Variants in KIF27 observed in about 807,000 individuals in gnomAD.
The protein encoded by KIF27 is kinesin-like protein KIF27.
A neutral mutation model predicts 141.8 loss-of-function variants in KIF27; 84 were observed. That is an observed-to-expected ratio of 0.59 (90% confidence interval 0.50 to 0.71). The LOEUF (loss-of-function observed/expected upper bound fraction) is 0.71, where lower values mean the gene tolerates loss of function less well. Ranked by LOEUF, KIF27 falls within the 30% of genes least tolerant of loss-of-function variation. The pLI, the probability that KIF27 is intolerant of heterozygous loss-of-function variation, is 0.00. For missense variants in KIF27, 1,306 were observed against 1,628.4 expected (o/e 0.80, Z 3.41); for synonymous variants, 471 against 569.5 (o/e 0.83, Z 2.46).
At chr9:83,892,483 G>T (rs1472740166) in intron 5 of KIF27, among the ~76,000 whole-genome samples, 2 of 151,650 alleles carry the variant, frequency 1.3e-5, no homozygotes, top group Non-Finnish European at 2.9e-5. Context: ...AACAGAAAAA[G>T]AAAAAATAAC....
At chr9:83,897,384 A>C (rs1781776430) in intron 5 of KIF27, among the ~76,000 whole-genome samples, 1 of 152,188 alleles carries the variant, frequency 6.6e-6, no homozygotes, top group African/African-American at 2.4e-5. Context: ...GTTTCCAATA[A>C]ATGATGCTAG....
At chr9:83,877,056 G>A (rs2132138265) in intron 11 of KIF27, among the ~76,000 whole-genome samples, 1 of 152,254 alleles carries the variant, frequency 6.6e-6, no homozygotes, top group Middle Eastern at 3.4e-3. Context: ...CAGCCTGGGT[G>A]ACAGAGTGAG....
rs1945892884 is a variant in KIF27, at chr9:83,836,758, A to G, written c.*243T>C. 3 of 470,660 alleles carry G rather than the reference A, an allele frequency of 6.4e-6. No individual in the cohort carries two copies. In the South Asian group the frequency reaches 1.3e-4, roughly 20 times the overall value. The allele number at this position is 470,660 out of a possible 1,614,324, so 29.2% of individuals were successfully genotyped here. On this transcript the variant is annotated 3_prime_UTR_variant, in exon 18 of 18. Transcript: ENST00000297814. ...CCTGGAAAAACATTTAAGCGTATTT[A>G]TAAATATTTAAATGTTATCAAGTAT...
intron 2 of KIF27, among the ~76,000 whole-genome samples, chr9:83,911,097 C>A (rs1005652839): frequency 2.0e-5 from 3 of 152,128 alleles, no homozygotes; most frequent in African/African-American, 7.2e-5. Flanking sequence ...GACAGGGTCT[C>A]ACTGTGTCAC....
At chr9:83,857,602 T>C (rs532265737) in intron 14 of KIF27, among the ~76,000 whole-genome samples, 1 of 152,334 alleles carries the variant, frequency 6.6e-6, no homozygotes, top group East Asian at 1.9e-4. Flanking sequence ...CCACATGAAA[T>C]AGAAACCTAA....
At chr9:83,861,199 C>CT (rs1331441070) in intron 13 of KIF27, among the ~76,000 whole-genome samples, 4 of 139,480 alleles carry the variant, frequency 2.9e-5, no homozygotes, top group African/African-American at 8.2e-5. Context: ...ATATATATAA[C>CT]TTTAAGTTCT....
At chr9:83,894,181 A>T (rs929254961) in intron 5 of KIF27, among the ~76,000 whole-genome samples, 1 of 152,262 alleles carries the variant, frequency 6.6e-6, no homozygotes, top group African/African-American at 2.4e-5. Context: ...TTAAGAAAGA[A>T]ATAATACCAA....
At position 83,884,803 on chromosome 9, in the gene KIF27, A is replaced by G. The variant is rs1204288359; in HGVS notation, c.2240-785T>C. Reference sequence around the variant, plus strand: ...AGGTCCACAATACATTTGATTTGTTATGTCTCTTAAGAATCTTTTCATCCA... The same window carrying G: ...AGGTCCACAATACATTTGATTTGTTGTGTCTCTTAAGAATCTTTTCATCCA... On this transcript the variant is annotated intron_variant, in intron 9 of 17. Coordinates refer to ENST00000297814, the MANE Select transcript of KIF27 (RefSeq NM_017576.4). Among the ~76,000 whole-genome samples the G allele has an allele frequency of 3.3e-5, 5 of 152,322 alleles. No homozygotes were observed. The South Asian group carries it at 1.0e-3, about 32-fold the overall frequency.
chr9:83,874,536 A>T (rs745410739), intron 11 of KIF27, among the ~76,000 whole-genome samples: 4 of 152,214 alleles, frequency 2.6e-5, no homozygotes, highest in Non-Finnish European at 5.9e-5. Flanking sequence ...TAGAGGATAC[A>T]TCAATGTATC....
At chr9:83,866,950 C>CA (rs985911505) in intron 13 of KIF27, among the ~76,000 whole-genome samples, 1 of 132,386 alleles carries the variant, frequency 7.6e-6, no homozygotes, top group African/African-American at 2.6e-5. Context: ...TTTTATTCAC[C>CA]CCCCCCCCAA....
At chr9:83,896,601 T>C (rs1351170090) in intron 5 of KIF27, among the ~76,000 whole-genome samples, 1 of 152,184 alleles carries the variant, frequency 6.6e-6, no homozygotes, top group Non-Finnish European at 1.5e-5. Context: ...AACAATACCA[T>C]GCTTATGGAT....
At position 83,907,859 on chromosome 9, in the gene KIF27, C is replaced by T. The variant is rs146964080; in HGVS notation, c.499+593G>A. 4.9e-3 allele frequency among the ~76,000 whole-genome samples: 741 copies of T among 152,296 alleles called. 8 individuals carry two copies. The highest frequency in any genetic ancestry group is 0.017 in the African/African-American group (711 of 41,548). ...AATTTAGCCTATATCACAGTCTCAT[C>T]TGAAGTCAGTCTAGAGGGAAACAAT... On this transcript the variant is annotated intron_variant, in intron 3 of 17. Coordinates refer to ENST00000297814, the MANE Select transcript of KIF27 (RefSeq NM_017576.4).
chr9:83,891,362 T>C lies in KIF27; in HGVS notation c.1742A>G (p.Tyr581Cys). The part of the protein sequence containing the change: ...PDARIPERRP[Y>C]TVPFDTHLGH... ...CAAATGAGTATCAAATGGTACAGTA[T>C]ATGGTCTCCTTTCAGGGATCCTGGC... is the stretch of plus-strand genomic sequence containing the variant. The change falls in exon 6 of 18, where the codon TAT (tyrosine) becomes TGT (cysteine). Residue 581 changes from tyrosine to cysteine, a missense_variant. Tyr to Cys is a radical substitution (Grantham distance 194). Coordinates refer to ENST00000297814, the MANE Select transcript of KIF27 (RefSeq NM_017576.4). The C allele has an allele frequency of 6.2e-7, 1 of 1,613,650 alleles. No homozygotes were observed. The highest frequency in any genetic ancestry group is 8.5e-7 in the Non-Finnish European group (1 of 1,179,634).
intron 16 of KIF27, among the ~76,000 whole-genome samples, chr9:83,846,292 A>C (rs1296789143): frequency 5.3e-5 from 8 of 152,212 alleles, no homozygotes. Flanking sequence ...GGGTTTGCCT[A>C]TCCTGCACGC....
intron 5 of KIF27, among the ~76,000 whole-genome samples, chr9:83,893,177 C>T (rs556766073): frequency 1.5e-4 from 23 of 152,330 alleles, no homozygotes; most frequent in African/African-American, 5.5e-4. Context: ...GTCGAGGCTA[C>T]AGTGACTCAT....
chr9:83,901,259 T>A (rs1266450186), intron 4 of KIF27, among the ~76,000 whole-genome samples: 3 of 152,198 alleles, frequency 2.0e-5, no homozygotes, highest in Non-Finnish European at 4.4e-5. Flanking sequence ...CTGTGCTGGC[T>A]GAGACTAGTA....
chr9:83,878,669 A>C (rs1951426941), intron 11 of KIF27, among the ~76,000 whole-genome samples: 1 of 152,250 alleles, frequency 6.6e-6, no homozygotes, highest in Non-Finnish European at 1.5e-5. Flanking sequence ...AAAATATTAT[A>C]TAATTCTACT....
Position 83,915,374 on chromosome 9 carries a change from A to G in KIF27, c.218T>C (p.Ile73Thr), listed in dbSNP as rs751893763. 1 of 1,613,868 alleles carries G rather than the reference A, an allele frequency of 6.2e-7. No individual in the cohort carries two copies. The highest frequency in any genetic ancestry group is 1.1e-5 in the South Asian group (1 of 91,072). ...TCIKPLVLSL[I>T]EGYNATVFAY... Reference sequence around the variant, plus strand: ...AAAAACAGTTGCATTATAGCCCTCAATGAGTGACAACACTAGGGGCTTTAT... The same window carrying G: ...AAAAACAGTTGCATTATAGCCCTCAGTGAGTGACAACACTAGGGGCTTTAT... Residue 73 changes from isoleucine (I) to threonine (T), a missense_variant, in exon 2 of 18, where the codon ATT becomes ACT. Physicochemically the swap from Ile to Thr is moderately conservative, Grantham distance 89. This residue lies in a region of KIF27 where 533 missense variants were observed against 565.6 expected (regional missense o/e 0.94). Coordinates refer to ENST00000297814, the MANE Select transcript of KIF27 (RefSeq NM_017576.4).
In KIF27 at chr9:83,867,534, A is replaced by G. The variant is rs554003990; in HGVS notation, c.2934+150T>C. 2.8e-6 allele frequency: 3 copies of G among 1,064,396 alleles called. No individual in the cohort carries two copies. The African/African-American group carries it at 5.1e-5, about 18-fold the overall frequency. The allele number at this position is 1,064,396 out of a possible 1,614,324, so 65.9% of individuals were successfully genotyped here. A position where few individuals can be genotyped will look rare whatever the true frequency, so the allele number is the denominator to read the frequency against. On this transcript the variant is annotated intron_variant, in intron 13 of 17. Coordinates refer to ENST00000297814, the MANE Select transcript of KIF27 (RefSeq NM_017576.4). ...AATGGTTATCCAAAGCAATTGCACCATTTTCCAATTTCACCAGCAGTGTAT... is the reference window on the plus strand; with the variant it reads ...AATGGTTATCCAAAGCAATTGCACCGTTTTCCAATTTCACCAGCAGTGTAT...
Sources: allele counts gnomAD v4.1 joint callset (sites outside exome capture counted in the v4.1 genomes callset), GRCh38; gene constraint gnomAD v4.1.1; regional missense constraint gnomAD v4.1.1; transcripts MANE v1.5; gene names NCBI Gene and HGNC (gene_info 2026-07-23, HGNC 2026-07-21).